Variants in SP140L observed in about 807,000 individuals in gnomAD.
The protein encoded by SP140L is SP140 like nuclear body protein, also known as nuclear body protein SP140-like protein.
In SP140L, 64 loss-of-function variants were observed where a neutral mutation model predicts 84.3. That is an observed-to-expected ratio of 0.76 (90% CI 0.62 to 0.94). SP140L has a LOEUF of 0.94. Among genes scored for constraint, SP140L ranks in the 40% least tolerant of loss-of-function variants. SP140L has a pLI of 0.00. For synonymous variants in SP140L, 242 were observed against 236.9 expected (o/e 1.02, Z -0.20); for missense variants, 628 against 692.5 (o/e 0.91, Z 1.05).
chr2:230,339,314 T>A (rs2059966096), intron 2 of SP140L, among the ~76,000 whole-genome samples: 1 of 151,656 alleles, frequency 6.6e-6, no homozygotes, highest in African/African-American at 2.4e-5. Flanking sequence ...CTGATGGTAG[T>A]TTGTATTTCT....
chr2:230,381,396 A>G (rs2149789293), intron 7 of SP140L, among the ~76,000 whole-genome samples: 1 of 152,258 alleles, frequency 6.6e-6, no homozygotes, highest in African/African-American at 2.4e-5. Flanking sequence ...TTGAAGCAAT[A>G]CCCTGATACC....
At position 230,328,949 on chromosome 2, in the gene SP140L, T is replaced by C. The variant is rs541785203; in HGVS notation, c.107+118T>C. On this transcript the variant is annotated intron_variant, in intron 2 of 18. Transcript: ENST00000415673. Reference sequence around the variant, plus strand: ...CTCTTCCATAATTTTTTTGTTTATTTTTTGCCAATGTGATTCAGTTGAGGT... The same window carrying C: ...CTCTTCCATAATTTTTTTGTTTATTCTTTGCCAATGTGATTCAGTTGAGGT... 3.7e-5 allele frequency: 53 copies of C among 1,415,872 alleles called. No homozygotes were observed. The Admixed American group carries it at 1.0e-3, about 27-fold the overall frequency. The allele number at this position is 1,415,872 out of a possible 1,614,324, so 87.7% of individuals were successfully genotyped here.
Position 230,403,714 on chromosome 2 carries a change from T to A in SP140L, c.*818T>A, listed in dbSNP as rs1177396999. 6.6e-6 allele frequency: 1 copy of A among 152,104 alleles called. No individual in the cohort carries two copies. 9.4% of individuals were successfully genotyped at this position (152,104 alleles called of 1,614,324 possible). ...TCCTGTGCAAACATATATTATTAAA[T>A]TTTTTTTCCTCCTGTCAATCTACTT... On this transcript the variant is annotated 3_prime_UTR_variant, in exon 19 of 19. Coordinates refer to ENST00000415673, the MANE Select transcript of SP140L (RefSeq NM_138402.6).
chr2:230,353,386 TAATA>T (rs147515916), intron 2 of SP140L, among the ~76,000 whole-genome samples: 14,014 of 152,114 alleles, frequency 0.092, 801 homozygotes, highest in Middle Eastern at 0.14. Context: ...CAAGATTAAA[TAATA>T]AATCATTCTT....
At chr2:230,396,666 C>G (rs879345484) in intron 13 of SP140L, 91 bp from the exon 14 acceptor site, 36 of 1,449,704 alleles carry the variant, frequency 2.5e-5, no homozygotes, top group Non-Finnish European at 3.4e-5. Flanking sequence ...GTTCCTGAAT[C>G]CCTTCAAAGA....
rs893525846 is a variant in SP140L at position 230,401,350 on chromosome 2, C to T, written c.1423-16C>T. 6.3e-7 allele frequency: 1 copy of T among 1,584,250 alleles called. No homozygotes were observed. Among genetic ancestry groups the T allele is most frequent in the African/African-American group, 1.4e-5 (1 of 71,600 alleles). ...TCTCCAAGCTGCTTTTCATTTACGG[C>T]CTCTTTCTTTTGCAGAAATGTGAGT... On this transcript the variant is annotated splice_polypyrimidine_tract_variant and intron_variant, in intron 16 of 18. Transcript: ENST00000415673.
intron 2 of SP140L, among the ~76,000 whole-genome samples, chr2:230,335,681 G>A (rs1276304253): frequency 6.6e-6 from 1 of 152,162 alleles, no homozygotes; most frequent in African/African-American, 2.4e-5. Flanking sequence ...TAAGAGTGTG[G>A]TAACTAATGT....
intron 3 of SP140L, among the ~76,000 whole-genome samples, chr2:230,358,194 T>C (rs963991993): frequency 6.6e-6 from 1 of 152,222 alleles, no homozygotes; most frequent in Non-Finnish European, 1.5e-5. Flanking sequence ...TACAATGTTT[T>C]GTAGAATTCA....
Position 230,402,799 on chromosome 2 carries a change from A to G in SP140L, c.1646A>G (p.Tyr549Cys), listed in dbSNP as rs752262753. ...TTTGTCTTTATTACTTTTTTCCAGT[A>G]TAAGGATTTTGGCCAAATGGGACTT... ...IFQNHRASYK[Y>C]KDFGQMGLRL... The change falls in exon 19 of 19, where the codon TAT becomes TGT. Residue 549 changes from tyrosine to cysteine, a missense_variant and splice_region_variant. By Grantham distance (194) the Tyr-to-Cys change is radical (BLOSUM62 -2). Transcript: ENST00000415673. 1.6e-5 allele frequency: 26 copies of G among 1,610,324 alleles called. No homozygotes were observed. Among genetic ancestry groups the G allele is most frequent in the Middle Eastern group, 3.3e-4 (2 of 6,070 alleles).
At chr2:230,328,280 G>A (rs997605858) in intron 1 of SP140L, among the ~76,000 whole-genome samples, 1 of 152,192 alleles carries the variant, frequency 6.6e-6, no homozygotes, top group Non-Finnish European at 1.5e-5. Context: ...ACTTCGCCTT[G>A]TAGCTTCCTT....
chr2:230,376,756 A>G (rs966735297), intron 7 of SP140L, among the ~76,000 whole-genome samples: 3 of 152,156 alleles, frequency 2.0e-5, no homozygotes, highest in Non-Finnish European at 2.9e-5. Context: ...AAAGACCCAA[A>G]TACTAAAAGT....
At chr2:230,386,513 T>G (rs2061587352) in intron 9 of SP140L, among the ~76,000 whole-genome samples, 1 of 152,212 alleles carries the variant, frequency 6.6e-6, no homozygotes, top group Admixed American at 6.5e-5. Flanking sequence ...ACCATAGTAT[T>G]TATTAAGGTT....
In SP140L at chr2:230,370,967, G is replaced by A; in HGVS notation, c.583G>A (p.Asp195Asn). 1 of 1,613,674 alleles carries A rather than the reference G, an allele frequency of 6.2e-7. No homozygotes were observed. The highest frequency in any genetic ancestry group is 2.2e-5 in the East Asian group (1 of 44,862). Residue 195 changes from aspartate to asparagine, a missense_variant and splice_region_variant, in exon 6 of 19, where the codon GAT (aspartate) becomes AAT (asparagine). Coordinates refer to ENST00000415673, the MANE Select transcript of SP140L (RefSeq NM_138402.6). ...KESDQACGKM[D>N]TVDIANNSTL... Reference sequence around the variant, plus strand: ...AAGTGACCAAGCATGTGGCAAAATGGGTAAGGCTGCCTGAGGGCTGTGGGA... The same window carrying A: ...AAGTGACCAAGCATGTGGCAAAATGAGTAAGGCTGCCTGAGGGCTGTGGGA...
intron 9 of SP140L, among the ~76,000 whole-genome samples, chr2:230,386,007 T>G (rs1230182051): frequency 6.6e-6 from 1 of 152,186 alleles, no homozygotes; most frequent in Non-Finnish European, 1.5e-5. Context: ...TGCAAGTGGT[T>G]GATGCACAAT....
At chr2:230,369,489 G>C (rs905463546) in intron 5 of SP140L, among the ~76,000 whole-genome samples, 2 of 152,220 alleles carry the variant, frequency 1.3e-5, no homozygotes, top group Admixed American at 1.3e-4. Flanking sequence ...ATGTGTACCA[G>C]CTGGAGTATC....
intron 11 of SP140L, chr2:230,391,868 G>A (rs1482702434): frequency 9.4e-6 from 5 of 534,694 alleles, no homozygotes; most frequent in African/African-American, 7.6e-5. Context: ...TCTCCTCATG[G>A]GTGAAGGTCA....
chr2:230,332,318 C>T (rs1366459105), intron 2 of SP140L, among the ~76,000 whole-genome samples: 6 of 152,200 alleles, frequency 3.9e-5, no homozygotes, highest in Non-Finnish European at 5.9e-5. Context: ...GCTCTTTCGG[C>T]CATCTTCCCC....
intron 2 of SP140L, among the ~76,000 whole-genome samples, chr2:230,339,976 G>A (rs1254332837): frequency 2.7e-5 from 4 of 150,620 alleles, no homozygotes; most frequent in African/African-American, 9.8e-5. Context: ...TGTTGATTTG[G>A]GGTGGAGAGT....
intron 2 of SP140L, among the ~76,000 whole-genome samples, chr2:230,329,859 T>C (rs907254468): frequency 6.6e-6 from 1 of 152,204 alleles, no homozygotes; most frequent in African/African-American, 2.4e-5. Flanking sequence ...TTTAAAAAAA[T>C]TGATCGTGTT....
Sources: gnomAD v4.1 joint callset for allele counts (sites outside exome capture counted in the v4.1 genomes callset) on GRCh38, gnomAD v4.1.1 for gene constraint, MANE v1.5 for transcripts, NCBI Gene and HGNC (gene_info 2026-07-23, HGNC 2026-07-21) for gene names.